The following BRINP2 variants were observed in gnomAD, a reference collection of about 807,000 sequenced individuals.
BRINP2 encodes BMP/retinoic acid inducible neural specific 2.
A neutral mutation model predicts 69.2 loss-of-function variants in BRINP2; 21 were observed. That is an observed-to-expected ratio of 0.30 (90% CI 0.22 to 0.44). The LOEUF is 0.44. BRINP2 is among the 20% of genes least tolerant of loss of function. BRINP2 has a pLI of 1.00. For synonymous variants in BRINP2, 380 were observed against 394.1 expected, an observed-to-expected ratio of 0.96 and a Z score of 0.42; for missense variants, 877 against 986.0, an observed-to-expected ratio of 0.89 and a Z score of 1.48.
chr1:177,263,015 A>G (rs1651007171), intron 4 of BRINP2, among the ~76,000 whole-genome samples: 1 of 152,218 alleles, frequency 6.6e-6, no homozygotes. Flanking sequence ...ATGTGTGTAT[A>G]TACGTGGCGA....
chr1:177,221,983 G>A (rs1471921508), intron 1 of BRINP2, among the ~76,000 whole-genome samples: 1 of 152,200 alleles, frequency 6.6e-6, no homozygotes, highest in African/African-American at 2.4e-5. Context: ...GTGACCACAG[G>A]ATGAAGGTGA....
chr1:177,176,358 TATCTC>T (rs1472349702), intron 1 of BRINP2, among the ~76,000 whole-genome samples: 4 of 152,154 alleles, frequency 2.6e-5, no homozygotes, highest in Non-Finnish European at 5.9e-5. Context: ...CAATGTAAAA[TATCTC>T]ATCAATATTT....
At chr1:177,225,726 A>G (rs1649671919) in intron 1 of BRINP2, among the ~76,000 whole-genome samples, 1 of 152,210 alleles carries the variant, frequency 6.6e-6, no homozygotes, top group Admixed American at 6.5e-5. Flanking sequence ...TGCAGCAACT[A>G]TTTTGTCCAT....
At chr1:177,264,635 A>G (rs577601561) in intron 4 of BRINP2, among the ~76,000 whole-genome samples, 2 of 152,344 alleles carry the variant, frequency 1.3e-5, no homozygotes, top group East Asian at 3.9e-4. Context: ...TCAATGTGCA[A>G]AAATCACAAG....
chr1:177,177,668 C>T (rs1222479937), intron 1 of BRINP2, among the ~76,000 whole-genome samples: 1 of 152,108 alleles, frequency 6.6e-6, no homozygotes, highest in Non-Finnish European at 1.5e-5. Flanking sequence ...ACTTACTGTT[C>T]GTACATGTTA....
chr1:177,242,846 T>G (rs1320959437), intron 2 of BRINP2, among the ~76,000 whole-genome samples: 1 of 152,178 alleles, frequency 6.6e-6, no homozygotes, highest in Non-Finnish European at 1.5e-5. Context: ...GATGAAGGCG[T>G]AAACAAGTGG....
At chr1:177,209,620 G>A (rs1044133861) in intron 1 of BRINP2, among the ~76,000 whole-genome samples, 8 of 152,168 alleles carry the variant, frequency 5.3e-5, no homozygotes, top group African/African-American at 1.7e-4. Context: ...TCCGCCTCAC[G>A]CAAGTGGAGC....
In BRINP2 at chr1:177,180,021, G is replaced by T. The variant is rs1001703731; in HGVS notation, c.-77+8289G>T. Among the ~76,000 whole-genome samples the T allele has an allele frequency of 7.9e-5, 12 of 152,182 alleles. 1 individual carries two copies. In the South Asian group the frequency reaches 2.5e-3, roughly 32 times the overall value. On this transcript the variant is annotated intron_variant, in intron 1 of 7. Transcript: ENST00000361539. ...GAATGAATATCTCTTATAATAAAAG[G>T]TTAAAGAAATGATTTGGCGAGCAGA...
intron 2 of BRINP2, among the ~76,000 whole-genome samples, chr1:177,242,009 G>C (rs969039672): frequency 6.6e-6 from 1 of 152,210 alleles, no homozygotes; most frequent in Non-Finnish European, 1.5e-5. Context: ...TAAAATCATA[G>C]CCAGAGTTGA....
intron 1 of BRINP2, among the ~76,000 whole-genome samples, chr1:177,190,937 A>G (rs1223783463): frequency 1.3e-5 from 2 of 152,208 alleles, no homozygotes; most frequent in Non-Finnish European, 2.9e-5. Context: ...CCTGGTCTAT[A>G]AATGTGAGTC....
rs896163012 is a variant in BRINP2 at position 177,257,332 on chromosome 1, A to C, written c.617A>C (p.Glu206Ala). Residue 206 changes from glutamate (E) to alanine (A), a missense_variant, in exon 4 of 8, where the codon GAG (glutamate) becomes GCG (alanine). Coordinates refer to ENST00000361539, the MANE Select transcript of BRINP2 (RefSeq NM_021165.4). ...QLAASYFIDR[E>A]STLRRLHHIQ... ...GCCGCCTCCTACTTCATCGACAGAG[A>C]GAGCACGCTGCGACGGCTGCACCAT... The C allele has an allele frequency of 6.2e-7, 1 of 1,614,012 alleles. No homozygotes were observed. Among genetic ancestry groups the C allele is most frequent in the African/African-American group, 1.3e-5 (1 of 74,990 alleles).
intron 1 of BRINP2, among the ~76,000 whole-genome samples, chr1:177,183,327 CATT>C (rs1195501719): frequency 1.3e-5 from 2 of 151,326 alleles, no homozygotes; most frequent in African/African-American, 4.8e-5. Context: ...GACAAAAATC[CATT>C]TTTATGCTTA....
intron 1 of BRINP2, among the ~76,000 whole-genome samples, chr1:177,197,312 C>T (rs1648775132): frequency 6.6e-6 from 1 of 152,072 alleles, no homozygotes. Context: ...CTTGCAAGAA[C>T]TCACTCACTA....
chr1:177,225,879 A>G (rs971848230), intron 1 of BRINP2, among the ~76,000 whole-genome samples: 2 of 152,236 alleles, frequency 1.3e-5, no homozygotes, highest in African/African-American at 2.4e-5. Context: ...CGGAAACCAT[A>G]TGATTCCAAG....
chr1:177,243,110 C>A (rs567852153), intron 2 of BRINP2, among the ~76,000 whole-genome samples: 171 of 150,292 alleles, frequency 1.1e-3, no homozygotes, highest in African/African-American at 4.1e-3. Flanking sequence ...TGTGAGGGGT[C>A]GCCCATTAGT....
intron 4 of BRINP2, among the ~76,000 whole-genome samples, chr1:177,257,625 G>A (rs1354082213): frequency 6.6e-6 from 1 of 152,176 alleles, no homozygotes; most frequent in Non-Finnish European, 1.5e-5. Flanking sequence ...TGGCAGTCAA[G>A]GTCCCCATGC....
intron 1 of BRINP2, among the ~76,000 whole-genome samples, chr1:177,187,682 C>T (rs1361770259): frequency 6.6e-6 from 1 of 152,178 alleles, no homozygotes; most frequent in East Asian, 1.9e-4. Context: ...GACTTCCGCT[C>T]TTGTTCTGCT....
At chr1:177,222,875 G>T (rs550875461) in intron 1 of BRINP2, among the ~76,000 whole-genome samples, 1 of 152,280 alleles carries the variant, frequency 6.6e-6, no homozygotes, top group Admixed American at 6.5e-5. Flanking sequence ...AAGGCAGATT[G>T]GTTCTCAGGG....
chr1:177,204,984 A>T (rs1487302899), intron 1 of BRINP2, among the ~76,000 whole-genome samples: 1 of 152,224 alleles, frequency 6.6e-6, no homozygotes, highest in Non-Finnish European at 1.5e-5. Flanking sequence ...ACTGTATCAT[A>T]TGTATATGTC....
Sources: gnomAD v4.1 joint callset for allele counts (sites outside exome capture counted in the v4.1 genomes callset) on GRCh38, gnomAD v4.1.1 for gene constraint, MANE v1.5 for transcripts, NCBI Gene and HGNC (gene_info 2026-07-23, HGNC 2026-07-21) for gene names.